Variants in ZNF469 observed in about 807,000 individuals in gnomAD.
ZNF469 encodes zinc finger protein 469.
In ZNF469, 1 loss-of-function variant was observed where a neutral mutation model predicts 1.0. That is an observed-to-expected ratio of 1.00 (90% CI 0.35 to 4.73). The LOEUF is 4.73. ZNF469 is among the 30% of genes most tolerant of loss of function. The pLI, the probability that ZNF469 is intolerant of heterozygous loss-of-function variation, is 0.16. For missense variants in ZNF469, 6,100 were observed against 5,356.3 expected, an observed-to-expected ratio of 1.14 and a Z score of -4.33; for synonymous variants, 2,703 against 2,363.4, an observed-to-expected ratio of 1.14 and a Z score of -4.17.
chr16:88,140,233 G>A, the ZNF469 span, among the ~76,000 whole-genome samples: 1 of 152,224 alleles, frequency 6.6e-6, no homozygotes, highest in African/African-American at 2.4e-5. Context: ...TATATTAAAT[G>A]GAAGCTGTAA....
chr16:88,326,640 G>C, the ZNF469 span, among the ~76,000 whole-genome samples: 5 of 152,170 alleles, frequency 3.3e-5, no homozygotes, highest in African/African-American at 4.8e-5. Flanking sequence ...GGACCAGAGT[G>C]CCTGACGCAG....
At chr16:88,320,508 A>G in the ZNF469 span, among the ~76,000 whole-genome samples, 2 of 152,128 alleles carry the variant, frequency 1.3e-5, no homozygotes, top group Non-Finnish European at 2.9e-5. Flanking sequence ...CTCAGCCTCC[A>G]GAGTAGCCCG....
At chr16:88,167,927 A>C in the ZNF469 span, among the ~76,000 whole-genome samples, 3 of 152,350 alleles carry the variant, frequency 2.0e-5, no homozygotes, top group South Asian at 4.1e-4. Flanking sequence ...TTTTGATGTC[A>C]GCCAGGCGTC....
the ZNF469 span, among the ~76,000 whole-genome samples, chr16:88,371,836 AT>A: frequency 3.2e-3 from 480 of 151,986 alleles, 6 homozygotes; most frequent in African/African-American, 0.011. Flanking sequence ...CACCACCATT[AT>A]CACCACCATC....
In ZNF469 at chr16:88,428,585, T is replaced by C; in HGVS notation, c.1115T>C (p.Leu372Ser). The change falls in exon 3 of 3, where the codon TTA becomes TCA. Residue 372 changes from leucine to serine, a missense_variant. Coordinates refer to ENST00000565624, the MANE Select transcript of ZNF469 (RefSeq NM_001367624.2). ...GCCCCGAGACCCTTCTCTGACAGTTTACACAAGAGCCTGACCAAAATCCTT... is the reference window on the plus strand; with the variant it reads ...GCCCCGAGACCCTTCTCTGACAGTTCACACAAGAGCCTGACCAAAATCCTT... The part of the protein sequence containing the change: ...HSAPRPFSDS[L>S]HKSLTKILPE... The C allele has an allele frequency of 6.5e-7, 1 of 1,550,178 alleles. No homozygotes were observed. Among genetic ancestry groups the C allele is most frequent in the Non-Finnish European group, 8.7e-7 (1 of 1,146,862 alleles).
the ZNF469 span, among the ~76,000 whole-genome samples, chr16:88,202,658 T>C: frequency 5.3e-5 from 8 of 152,058 alleles, no homozygotes; most frequent in Non-Finnish European, 1.0e-4. Context: ...GGAAGAGACC[T>C]TAGGAAACGT....
the ZNF469 span, among the ~76,000 whole-genome samples, chr16:88,217,677 T>G: frequency 8.6e-6 from 1 of 115,684 alleles, no homozygotes. Context: ...CACCTATGAG[T>G]GAGAATATGC....
At chr16:88,229,652 T>C in the ZNF469 span, among the ~76,000 whole-genome samples, 2 of 53,852 alleles carry the variant, frequency 3.7e-5, no homozygotes, top group Non-Finnish European at 1.0e-4. Context: ...TGTGCTGATG[T>C]CACGCGTGTG....
Position 88,409,744 on chromosome 16 carries a change from C to T in ZNF469, c.-191-15063C>T, listed in dbSNP as rs138367951. Reference sequence around the variant, plus strand: ...AAAATGCAAACAAAGCTCGGTAAAGCAGGCCGGGGCCCACACATGCGGGCA... The same window carrying T: ...AAAATGCAAACAAAGCTCGGTAAAGTAGGCCGGGGCCCACACATGCGGGCA... On this transcript the variant is annotated intron_variant, in intron 1 of 2. Coordinates refer to ENST00000565624, the MANE Select transcript of ZNF469 (RefSeq NM_001367624.2). Among the ~76,000 whole-genome samples the T allele has an allele frequency of 9.0e-3, 1,366 of 152,120 alleles. 26 individuals carry two copies. The highest frequency in any genetic ancestry group is 0.031 in the African/African-American group (1,303 of 41,480).
At chr16:88,426,387 C>A (rs1031528610) in intron 2 of ZNF469, among the ~76,000 whole-genome samples, 3 of 152,280 alleles carry the variant, frequency 2.0e-5, no homozygotes, top group Admixed American at 2.0e-4. Flanking sequence ...GGCCCCCACA[C>A]GGAGCGGCCT....
the ZNF469 span, among the ~76,000 whole-genome samples, chr16:88,326,990 G>A: frequency 6.6e-6 from 1 of 152,188 alleles, no homozygotes; most frequent in East Asian, 1.9e-4. Context: ...GTCTGTCTTT[G>A]GTTTGAGCTG....
the ZNF469 span, among the ~76,000 whole-genome samples, chr16:88,376,173 G>A: frequency 2.6e-5 from 4 of 152,244 alleles, no homozygotes; most frequent in Non-Finnish European, 5.9e-5. Flanking sequence ...TTCGCCAGTC[G>A]CCCCAGCAAC....
the ZNF469 span, among the ~76,000 whole-genome samples, chr16:88,245,375 C>T: frequency 6.6e-6 from 1 of 152,246 alleles, no homozygotes; most frequent in African/African-American, 2.4e-5. Flanking sequence ...AGTCTGGCTC[C>T]AGAACAGTTG....
the ZNF469 span, among the ~76,000 whole-genome samples, chr16:88,260,172 A>C: frequency 6.7e-6 from 1 of 148,584 alleles, no homozygotes; most frequent in Non-Finnish European, 1.5e-5. This position sits in a 1 kb window ranked among gnomAD's most constrained non-coding sequence, Gnocchi z 4.1. Context: ...GTATTTTAGT[A>C]GAGACAGGGT....
chr16:88,172,282 G>T, the ZNF469 span, among the ~76,000 whole-genome samples: 1 of 152,090 alleles, frequency 6.6e-6, no homozygotes, highest in Non-Finnish European at 1.5e-5. Flanking sequence ...ACACCCACCC[G>T]AAAGGAGCAG....
the ZNF469 span, among the ~76,000 whole-genome samples, chr16:88,292,541 G>A: frequency 2.0e-4 from 31 of 152,244 alleles, no homozygotes; most frequent in South Asian, 2.3e-3. Context: ...TGTGACGCAC[G>A]TGGGGAAGGG....
chr16:88,146,296 G>A, the ZNF469 span, among the ~76,000 whole-genome samples: 12 of 152,306 alleles, frequency 7.9e-5, no homozygotes, highest in East Asian at 1.9e-4. Context: ...GCGGGCCACC[G>A]TAGCACATCC....
the ZNF469 span, among the ~76,000 whole-genome samples, chr16:88,355,407 T>G: frequency 0.55 from 83,026 of 152,162 alleles, 24,381 homozygotes; most frequent in African/African-American, 0.76. Context: ...CCCGCCACCA[T>G]GGCGCTCACG....
the ZNF469 span, among the ~76,000 whole-genome samples, chr16:88,164,089 A>G: frequency 5.5e-5 from 8 of 144,190 alleles, no homozygotes; most frequent in Admixed American, 5.5e-4. Flanking sequence ...GGGTGGGTGG[A>G]TGAACGGGGT....
Sources: gnomAD v4.1 joint callset for allele counts (sites outside exome capture counted in the v4.1 genomes callset) on GRCh38, gnomAD v4.1.1 for gene constraint, Gnocchi (gnomAD v3.1) non-coding constraint, MANE v1.5 for transcripts, NCBI Gene and HGNC (gene_info 2026-07-23, HGNC 2026-07-21) for gene names.